The following EFCAB11 variants were observed in gnomAD, a reference collection of about 807,000 sequenced individuals.
EFCAB11 encodes EF-hand calcium binding domain 11.
In EFCAB11, 14 loss-of-function variants were observed where a neutral mutation model predicts 23.0. The ratio of observed to expected loss-of-function variants is 0.61; its 90% CI spans 0.40 to 0.95. The LOEUF is 0.95. Among genes scored for constraint, EFCAB11 ranks in the 40% least tolerant of loss-of-function variants. The pLI, the probability that EFCAB11 is intolerant of heterozygous loss-of-function variation, is 0.00. For synonymous variants in EFCAB11, 65 were observed against 66.6 expected, an observed-to-expected ratio of 0.98 and a Z score of 0.11; for missense variants, 198 against 195.8, an observed-to-expected ratio of 1.01 and a Z score of -0.07.
At chr14:89,953,750 G>A (rs887038666) in intron 2 of EFCAB11, among the ~76,000 whole-genome samples, 156 bp downstream of exon 2, 4 of 152,150 alleles carry the variant, frequency 2.6e-5, no homozygotes, top group African/African-American at 9.7e-5. Context: ...TCTGGGCTGA[G>A]GTGTTAAGAG....
At chr14:89,886,880 T>C (rs999322343) in intron 5 of EFCAB11, among the ~76,000 whole-genome samples, 7 of 152,228 alleles carry the variant, frequency 4.6e-5, no homozygotes, top group Non-Finnish European at 7.3e-5. Context: ...AGATTAAATA[T>C]ATCCATTGTT....
Position 89,924,887 on chromosome 14 carries a change from C to T in EFCAB11, c.410+6654G>A, listed in dbSNP as rs534544597. 1.1e-3 allele frequency among the ~76,000 whole-genome samples: 168 copies of T among 152,312 alleles called. 1 individual carries two copies. In the Middle Eastern group the frequency reaches 0.034, roughly 31 times the overall value. The stretch of plus-strand genomic sequence containing the variant: ...TTTGGAATAAGTGGCAATGGACCAA[C>T]GATTATTTATTAACTGCAGTGCAAA... On this transcript the variant is annotated intron_variant, in intron 5 of 5. Coordinates refer to ENST00000316738, the MANE Select transcript of EFCAB11 (RefSeq NM_145231.4).
chr14:89,856,101 A>T (rs573041126), intron 5 of EFCAB11, among the ~76,000 whole-genome samples: 2 of 152,100 alleles, frequency 1.3e-5, no homozygotes, highest in Non-Finnish European at 2.9e-5. Flanking sequence ...TATCTTTACA[A>T]AGTGGTGAAT....
intron 3 of EFCAB11, among the ~76,000 whole-genome samples, chr14:89,936,665 A>G (rs1317567595): frequency 6.6e-6 from 1 of 152,228 alleles, no homozygotes; most frequent in Non-Finnish European, 1.5e-5. Flanking sequence ...TCCAAATACA[A>G]GACCCTTTTC....
chr14:89,818,702 T>C lies in EFCAB11; in HGVS notation c.411-21378A>G, dbSNP rs564830508. On this transcript the variant is annotated intron_variant, in intron 5 of 5. Coordinates refer to ENST00000316738, the MANE Select transcript of EFCAB11 (RefSeq NM_145231.4). ...ACTCAATAATAAAGCAAATACCACG[T>C]AAAAAATAGGTGAGAGATTTGAACA... 2.0e-5 allele frequency among the ~76,000 whole-genome samples: 3 copies of C among 152,028 alleles called. No homozygotes were observed. In the South Asian group the frequency reaches 6.2e-4, roughly 32 times the overall value.
chr14:89,844,472 C>A (rs1032322949), intron 5 of EFCAB11, among the ~76,000 whole-genome samples: 2 of 152,162 alleles, frequency 1.3e-5, no homozygotes, highest in East Asian at 3.8e-4. Context: ...CAGTTTTGAC[C>A]TCACAGACCC....
intron 2 of EFCAB11, 117 bp downstream of exon 2, chr14:89,953,789 T>G: frequency 1.3e-6 from 1 of 770,430 alleles, no homozygotes; most frequent in Non-Finnish European, 2.1e-6. Flanking sequence ...TGGACACATC[T>G]CTGAAATTGC....
chr14:89,813,933 C>T (rs1444116524), intron 5 of EFCAB11, among the ~76,000 whole-genome samples: 5 of 152,130 alleles, frequency 3.3e-5, no homozygotes, highest in Admixed American at 3.3e-4. Context: ...TTCCAGGGTG[C>T]CCGGTGTCTG....
chr14:89,805,943 C>T (rs1885954411), intron 5 of EFCAB11, among the ~76,000 whole-genome samples: 1 of 152,182 alleles, frequency 6.6e-6, no homozygotes, highest in African/African-American at 2.4e-5. Context: ...GATTTCTCCT[C>T]GGATGCTAGC....
chr14:89,874,741 A>G (rs1195965849), intron 5 of EFCAB11, among the ~76,000 whole-genome samples: 1 of 152,152 alleles, frequency 6.6e-6, no homozygotes. Context: ...ACTAACAAAA[A>G]ATTAGCCGGG....
intron 5 of EFCAB11, among the ~76,000 whole-genome samples, chr14:89,877,468 G>C (rs1038980239): frequency 3.3e-5 from 5 of 152,180 alleles, no homozygotes; most frequent in African/African-American, 1.2e-4. Context: ...GAAATCTAAA[G>C]ATAATTCAGA....
chr14:89,915,525 T>C (rs1889814014), intron 5 of EFCAB11, among the ~76,000 whole-genome samples: 2 of 152,240 alleles, frequency 1.3e-5, no homozygotes, highest in Admixed American at 6.5e-5. Context: ...TAAGAGAGGA[T>C]CATGCATTTA....
At chr14:89,903,077 C>T (rs1400370420) in intron 5 of EFCAB11, among the ~76,000 whole-genome samples, 3 of 152,184 alleles carry the variant, frequency 2.0e-5, no homozygotes, top group Admixed American at 6.5e-5. Context: ...TGAACAATGC[C>T]GCATCTGCGT....
intron 5 of EFCAB11, among the ~76,000 whole-genome samples, chr14:89,803,802 G>A (rs1283095040): frequency 6.6e-6 from 1 of 152,216 alleles, no homozygotes; most frequent in Non-Finnish European, 1.5e-5. Flanking sequence ...CTCTTCTGAG[G>A]AGCCCGCTGC....
At chr14:89,916,262 TA>T (rs1211565513) in intron 5 of EFCAB11, among the ~76,000 whole-genome samples, 3 of 152,114 alleles carry the variant, frequency 2.0e-5, no homozygotes, top group African/African-American at 7.2e-5. Flanking sequence ...ACCCACAGAA[TA>T]AATGGCACCA....
intron 5 of EFCAB11, chr14:89,848,562 T>C (rs1887503105): frequency 6.6e-6 from 1 of 152,234 alleles, no homozygotes; most frequent in African/African-American, 2.4e-5. Flanking sequence ...GTATAGATCA[T>C]TTGGTTGAAA....
At chr14:89,851,760 C>T (rs1237261846) in intron 5 of EFCAB11, among the ~76,000 whole-genome samples, 2 of 152,140 alleles carry the variant, frequency 1.3e-5, no homozygotes, top group African/African-American at 4.8e-5. Context: ...GGCCATCATT[C>T]AAGTCAGGAG....
intron 5 of EFCAB11, among the ~76,000 whole-genome samples, chr14:89,879,521 C>T (rs1888539602): frequency 6.6e-6 from 1 of 151,764 alleles, no homozygotes. Context: ...ACATGCCACC[C>T]CTCCAAAAAA....
At chr14:89,875,186 T>C (rs1426183564) in intron 5 of EFCAB11, among the ~76,000 whole-genome samples, 6 of 152,160 alleles carry the variant, frequency 3.9e-5, no homozygotes, top group Non-Finnish European at 8.8e-5. Flanking sequence ...TTGTTCGTTA[T>C]CGGAATTAAA....
Sources: gnomAD v4.1 joint callset for allele counts (sites outside exome capture counted in the v4.1 genomes callset) on GRCh38, gnomAD v4.1.1 for gene constraint, MANE v1.5 for transcripts, NCBI Gene and HGNC (gene_info 2026-07-23, HGNC 2026-07-21) for gene names.